ABCD3: variants seen among roughly 807,000 people sequenced by gnomAD.
ABCD3 encodes the protein ATP-binding cassette sub-family D member 3.
Under a neutral mutation model 105.5 loss-of-function variants are expected in ABCD3, and 41 were observed. That is an observed-to-expected ratio of 0.39 (90% CI 0.30 to 0.50). The LOEUF (loss-of-function observed/expected upper bound fraction) is 0.50, where lower values mean the gene tolerates loss of function less well. Among genes scored for constraint, ABCD3 ranks in the 20% least tolerant of loss-of-function variants. The pLI, the probability that ABCD3 is intolerant of heterozygous loss-of-function variation, is 0.84. For synonymous variants in ABCD3, 258 were observed against 269.0 expected (o/e 0.96, Z 0.40); for missense variants, 622 against 806.3 (o/e 0.77, Z 2.77).
chr1:94,397,195 C>T, the ABCD3 span, among the ~76,000 whole-genome samples: 1 of 152,206 alleles, frequency 6.6e-6, no homozygotes, highest in South Asian at 2.1e-4. Context: ...TTTCATCCAG[C>T]TTCCCCTAAT....
chr1:94,494,624 T>A (rs529917082), intron 16 of ABCD3, among the ~76,000 whole-genome samples: 1 of 152,204 alleles, frequency 6.6e-6, no homozygotes, highest in South Asian at 2.1e-4. Flanking sequence ...CAAATAAATC[T>A]TTCCTACTTT....
intron 4 of ABCD3, 118 bp from the exon 5 acceptor site, chr1:94,473,648 A>C: frequency 3.6e-6 from 3 of 827,988 alleles, no homozygotes. Flanking sequence ...CATCTTTTTT[A>C]TTGATTGTTT....
rs115124480 is a variant in ABCD3 at position 94,429,500 on chromosome 1, G to A, written c.110+10912G>A. On this transcript the variant is annotated intron_variant, in intron 1 of 22. Transcript: ENST00000370214. ...GAGGAAAAATTGGTTTCATGGGTCC[G>A]TCCCAGGGTCCCTTTGCTGTGTGCA... Among the ~76,000 whole-genome samples the A allele has an allele frequency of 3.1e-3, 465 of 152,236 alleles. 6 individuals are homozygous for A. The highest frequency in any genetic ancestry group is 9.3e-3 in the African/African-American group (387 of 41,540).
intron 16 of ABCD3, among the ~76,000 whole-genome samples, chr1:94,497,744 A>C (rs1181188555): frequency 6.6e-6 from 1 of 152,220 alleles, no homozygotes; most frequent in Non-Finnish European, 1.5e-5. Context: ...CACTCATTGC[A>C]ATATTATCTA....
At chr1:94,400,160 C>A in the ABCD3 span, among the ~76,000 whole-genome samples, 13 of 152,254 alleles carry the variant, frequency 8.5e-5, no homozygotes, top group African/African-American at 3.1e-4. Flanking sequence ...GTAACCCCAG[C>A]ACTTTGAGAG....
Position 94,478,303 on chromosome 1 carries a change from A to C in ABCD3, c.672A>C (p.Ala224=). 1 of 1,603,420 alleles carries C rather than the reference A, an allele frequency of 6.2e-7. No individual in the cohort carries two copies. The highest frequency in any genetic ancestry group is 8.5e-7 in the Non-Finnish European group (1 of 1,172,028). The change falls in exon 8 of 23, where the codon GCA becomes GCC. Residue 224 remains alanine (A), a synonymous_variant. Coordinates refer to ENST00000370214, the MANE Select transcript of ABCD3 (RefSeq NM_002858.4). ...IVLYIFKLTS[A]IGAQGPASMM... ...TGTATATCTTTAAGTTAACGAGTGC[A>C]ATTGGAGCTCAGGTGAGTCTGCTTT...
At chr1:94,393,352 CTG>C in the ABCD3 span, among the ~76,000 whole-genome samples, 2 of 151,450 alleles carry the variant, frequency 1.3e-5, no homozygotes, top group Non-Finnish European at 2.9e-5. Flanking sequence ...TGAAAGAAGA[CTG>C]TGGGTTGGGC....
At position 94,475,027 on chromosome 1, in the gene ABCD3, G is replaced by A. The variant is rs1648667536; in HGVS notation, c.406-116G>A. The A allele has an allele frequency of 5.7e-6, 4 of 700,048 alleles. No individual in the cohort carries two copies. The South Asian group carries it at 6.9e-5, about 12-fold the overall frequency. The allele number at this position is 700,048 out of a possible 1,614,324, so 43.4% of individuals were successfully genotyped here. The stretch of plus-strand genomic sequence containing the variant: ...AAACAGAACTGAATTATATAAATTT[G>A]GACTAAATTATAAAAATTGTAGGAT... On this transcript the variant is annotated intron_variant, in intron 5 of 22. Coordinates refer to ENST00000370214, the MANE Select transcript of ABCD3 (RefSeq NM_002858.4).
At chr1:94,415,752 A>G (rs1045191677), upstream of ABCD3, among the ~76,000 whole-genome samples, 1 of 152,220 alleles carries the variant, frequency 6.6e-6, no homozygotes, top group East Asian at 1.9e-4. Flanking sequence ...TTGATATTAC[A>G]TACAGATCTG....
rs1411355647 is a variant in ABCD3, at chr1:94,424,447, G to A, written c.110+5859G>A. On this transcript the variant is annotated intron_variant, in intron 1 of 22. Transcript: ENST00000370214. ...TTATTTATTTATTTATTTTGAGACG[G>A]GGTCTCACTCTCTCACCCATGCTGG... is the stretch of plus-strand genomic sequence containing the variant. 2.6e-5 allele frequency among the ~76,000 whole-genome samples: 4 copies of A among 151,848 alleles called. No homozygotes were observed. The South Asian group carries it at 8.3e-4, about 32-fold the overall frequency.
the ABCD3 span, among the ~76,000 whole-genome samples, chr1:94,412,245 T>C: frequency 0.39 from 59,443 of 152,014 alleles, 12,033 homozygotes; most frequent in East Asian, 0.47. Flanking sequence ...CAGTGAAGTC[T>C]TCCCACCCCT....
chr1:94,456,349 G>T (rs988325930), intron 1 of ABCD3, among the ~76,000 whole-genome samples: 2 of 122,608 alleles, frequency 1.6e-5, no homozygotes, highest in South Asian at 5.4e-4. Flanking sequence ...ATCTCAGCTT[G>T]CTGCAACCTC....
upstream of ABCD3, among the ~76,000 whole-genome samples, chr1:94,417,028 A>G (rs1659044568): frequency 6.6e-6 from 1 of 152,212 alleles, no homozygotes; most frequent in African/African-American, 2.4e-5. Flanking sequence ...TCCATTCTGA[A>G]CGCTCCCATG....
At chr1:94,489,339 T>G (rs1258316422) in intron 13 of ABCD3, among the ~76,000 whole-genome samples, 1 of 152,078 alleles carries the variant, frequency 6.6e-6, no homozygotes, top group Non-Finnish European at 1.5e-5. Flanking sequence ...AAGACCAGCT[T>G]TATACATGGC....
intron 1 of ABCD3, among the ~76,000 whole-genome samples, chr1:94,439,155 C>T (rs1660040140): frequency 6.6e-6 from 1 of 152,084 alleles, no homozygotes. Context: ...TGTCTGTGAC[C>T]TTTGTACTTG....
intron 21 of ABCD3, among the ~76,000 whole-genome samples, chr1:94,508,260 A>G (rs1382419562): frequency 6.6e-6 from 1 of 152,130 alleles, no homozygotes; most frequent in Non-Finnish European, 1.5e-5. Context: ...TGCTTTCCCC[A>G]TTGCTTGTTT....
In ABCD3 at chr1:94,493,948, G is replaced by A. The variant is rs979267591; in HGVS notation, c.1386+2701G>A. On this transcript the variant is annotated intron_variant, in intron 16 of 22. Transcript: ENST00000370214. Reference sequence around the variant, plus strand: ...ATCACACTCTGGGGACTGTTGTGGGGTGGGGTCCTGGGGGAGGGATAGCAT... The same window carrying A: ...ATCACACTCTGGGGACTGTTGTGGGATGGGGTCCTGGGGGAGGGATAGCAT... 3.3e-5 allele frequency among the ~76,000 whole-genome samples: 5 copies of A among 152,084 alleles called. 2 individuals carry two copies. Among genetic ancestry groups the A allele is most frequent in the African/African-American group, 1.2e-4 (5 of 41,480 alleles).
intron 1 of ABCD3, chr1:94,432,708 A>G (rs1007015361): frequency 1.3e-5 from 2 of 152,254 alleles, no homozygotes; most frequent in Non-Finnish European, 2.9e-5. Flanking sequence ...TTTAGATTCA[A>G]AGAACTCAAG....
rs144133353 is a variant in ABCD3, at chr1:94,490,784, A to T, written c.1323-400A>T. Among the ~76,000 whole-genome samples the T allele has an allele frequency of 7.2e-3, 1,099 of 152,244 alleles. 16 individuals carry two copies. Among genetic ancestry groups the T allele is most frequent in the African/African-American group, 0.025 (1,034 of 41,562 alleles). ...TTTTATTTCCTTTGGAAATGTTCCC[A>T]GAAGTGGGATTGCTAGATCATACGG... is the stretch of plus-strand genomic sequence containing the variant. On this transcript the variant is annotated intron_variant, in intron 15 of 22. Coordinates refer to ENST00000370214, the MANE Select transcript of ABCD3 (RefSeq NM_002858.4).
Sources: allele counts gnomAD v4.1 joint callset (sites outside exome capture counted in the v4.1 genomes callset), GRCh38; gene constraint gnomAD v4.1.1; transcripts MANE v1.5; gene names NCBI Gene and HGNC (gene_info 2026-07-23, HGNC 2026-07-21).